KAZN: variants seen among roughly 807,000 people sequenced by gnomAD.
KAZN encodes kazrin, periplakin interacting protein, also known as kazrin.
A neutral mutation model predicts 87.4 loss-of-function variants in KAZN; 40 were observed. That is an observed-to-expected ratio of 0.46 (90% confidence interval 0.36 to 0.60). KAZN has a LOEUF of 0.60. KAZN is among the 20% of genes least tolerant of loss of function. The pLI is 0.00. For synonymous variants in KAZN, 466 were observed against 458.3 expected, an observed-to-expected ratio of 1.02 and a Z score of -0.22; for missense variants, 898 against 1,073.9, an observed-to-expected ratio of 0.84 and a Z score of 2.29.
chr1:14,395,784 T>C (rs949271794), intron 2 of KAZN, among the ~76,000 whole-genome samples: 1 of 152,006 alleles, frequency 6.6e-6, no homozygotes, highest in Non-Finnish European at 1.5e-5. Context: ...AGTGAAGACA[T>C]TTAACGTGAA....
intron 2 of KAZN, among the ~76,000 whole-genome samples, chr1:14,592,785 T>C (rs561094332): frequency 6.6e-6 from 1 of 152,354 alleles, no homozygotes; most frequent in South Asian, 2.1e-4. Flanking sequence ...AAGAAGTTCA[T>C]CACTCACTGG....
chr1:14,042,125 C>A (rs1463334812), intron 1 of KAZN, among the ~76,000 whole-genome samples: 1 of 152,114 alleles, frequency 6.6e-6, no homozygotes, highest in Non-Finnish European at 1.5e-5. Flanking sequence ...CTCTGGAAAT[C>A]TCTTAGTCAA....
At chr1:14,406,535 C>A (rs1439353901) in intron 2 of KAZN, among the ~76,000 whole-genome samples, 1 of 151,710 alleles carries the variant, frequency 6.6e-6, no homozygotes, top group Non-Finnish European at 1.5e-5. Flanking sequence ...TTTGGGAACT[C>A]GAGGGGAAAG....
chr1:13,974,147 A>G (rs1351966476), intron 1 of KAZN, among the ~76,000 whole-genome samples: 1 of 152,242 alleles, frequency 6.6e-6, no homozygotes, highest in African/African-American at 2.4e-5. Flanking sequence ...GGAATTTGTA[A>G]GAGATTCACT....
chr1:14,504,194 GAAC>G (rs1447792800), intron 2 of KAZN, among the ~76,000 whole-genome samples: 1 of 152,162 alleles, frequency 6.6e-6, no homozygotes, highest in Non-Finnish European at 1.5e-5. Flanking sequence ...CCTTGTCTCT[GAAC>G]AACAAGATGG....
At chr1:14,453,569 C>T (rs1667401940) in intron 2 of KAZN, among the ~76,000 whole-genome samples, 1 of 152,178 alleles carries the variant, frequency 6.6e-6, no homozygotes, top group Non-Finnish European at 1.5e-5. Context: ...GGCATGGTGT[C>T]TCATGCCTGT....
intron 1 of KAZN, among the ~76,000 whole-genome samples, chr1:14,683,447 A>G (rs1041721854): frequency 2.0e-5 from 3 of 152,146 alleles, no homozygotes; most frequent in Non-Finnish European, 4.4e-5. Flanking sequence ...TCAAGATGCT[A>G]TTAGGCATTC....
At chr1:14,616,089 C>T (rs1194181330) in intron 1 of KAZN, among the ~76,000 whole-genome samples, 2 of 152,126 alleles carry the variant, frequency 1.3e-5, no homozygotes, top group Non-Finnish European at 2.9e-5. Flanking sequence ...TGACGCAATG[C>T]CTATACAATC....
chr1:14,708,067 C>T (rs956917320), intron 1 of KAZN, among the ~76,000 whole-genome samples: 12 of 152,150 alleles, frequency 7.9e-5, no homozygotes, highest in Admixed American at 2.6e-4. Flanking sequence ...AGGGTGACAC[C>T]GGCCTTCTCC....
intron 8 of KAZN, among the ~76,000 whole-genome samples, chr1:15,092,584 A>C (rs1284383710): frequency 6.6e-6 from 1 of 151,640 alleles, no homozygotes; most frequent in Non-Finnish European, 1.5e-5. Context: ...AGATCCTCCT[A>C]CCTCAGCCTC....
chr1:14,997,708 G>A (rs1456356335), intron 2 of KAZN, among the ~76,000 whole-genome samples: 2 of 152,156 alleles, frequency 1.3e-5, no homozygotes, highest in East Asian at 1.9e-4. Context: ...CCTGAGGGTG[G>A]AGGAGCAGGG....
In KAZN at chr1:15,114,557, C is replaced by A. The variant is rs759532743; in HGVS notation, c.2250C>A (p.Cys750Ter). The A allele has an allele frequency of 1.9e-6, 3 of 1,608,224 alleles. No homozygotes were observed. Among genetic ancestry groups the A allele is most frequent in the East Asian group, 2.2e-5 (1 of 44,710 alleles). ...ATGGCTCTCTTCAAAACGAAGATTG[C>A]GGAGACGATGACCCCCAGAGCAGGC... ...DDYGSLQNED[C>*]GDDDPQSRLE... Residue 750 changes from cysteine to a stop codon, truncating the protein, a stop_gained, in exon 15 of 15, where the codon TGC becomes TGA. Transcript: ENST00000376030. LOFTEE classifies it high-confidence loss of function.
At chr1:14,383,244 AT>A (rs1297533377) in intron 2 of KAZN, among the ~76,000 whole-genome samples, 1 of 149,314 alleles carries the variant, frequency 6.7e-6, no homozygotes, top group African/African-American at 2.5e-5. Flanking sequence ...GGTTGTGAAA[AT>A]TTTCTCCCAT....
At chr1:14,792,853 A>G (rs897787522) in intron 1 of KAZN, among the ~76,000 whole-genome samples, 1 of 151,956 alleles carries the variant, frequency 6.6e-6, no homozygotes, top group Non-Finnish European at 1.5e-5. Context: ...GCATGTGCCT[A>G]TAGTCCCAGC....
Position 15,054,645 on chromosome 1 carries a change from C to T in KAZN, c.727-1446C>T, listed in dbSNP as rs545570872. Reference sequence around the variant, plus strand: ...CCGGCCTGGGCAACAGAGTGAGACTCCATCTCAAAAAAAAAAAAAAGAAGA... The same window carrying T: ...CCGGCCTGGGCAACAGAGTGAGACTTCATCTCAAAAAAAAAAAAAAGAAGA... On this transcript the variant is annotated intron_variant, in intron 4 of 14. Coordinates refer to ENST00000376030, the MANE Select transcript of KAZN (RefSeq NM_201628.3). 3.4e-5 allele frequency among the ~76,000 whole-genome samples: 5 copies of T among 148,552 alleles called. No homozygotes were observed. The East Asian group carries it at 9.7e-4, about 29-fold the overall frequency.
Position 14,773,357 on chromosome 1 carries a change from A to G in KAZN, c.226+174134A>G, listed in dbSNP as rs1418814099. 6.6e-6 allele frequency among the ~76,000 whole-genome samples: 1 copy of G among 152,080 alleles called. No individual in the cohort carries two copies. Among genetic ancestry groups the G allele is most frequent in the Admixed American group, 6.5e-5 (1 of 15,276 alleles). On this transcript the variant is annotated intron_variant, in intron 1 of 14. Transcript: ENST00000376030. The surrounding 1 kb of genome is among the most constrained non-coding windows in gnomAD (Gnocchi z 5.9). Reference sequence around the variant, plus strand: ...CCACCTCCCACCTCACCTGCCCACGATGCCATTGCTTCAAATGGCTTTCAA... The same window carrying G: ...CCACCTCCCACCTCACCTGCCCACGGTGCCATTGCTTCAAATGGCTTTCAA...
At chr1:14,544,592 A>G (rs1387016405) in intron 2 of KAZN, among the ~76,000 whole-genome samples, 1 of 152,000 alleles carries the variant, frequency 6.6e-6, no homozygotes, top group Non-Finnish European at 1.5e-5. Flanking sequence ...CCTATTTTAA[A>G]CAACTTTTCT....
At chr1:14,138,082 A>AGTGTGTGTGTGTGTGT (rs149980453) in intron 1 of KAZN, among the ~76,000 whole-genome samples, 3 of 149,962 alleles carry the variant, frequency 2.0e-5, no homozygotes, top group Admixed American at 6.6e-5. Flanking sequence ...TAAATGTTAC[A>AGTGTGTGTGTGTGTGT]GTGTGTGTGT....
At chr1:14,139,261 G>A (rs1367199413) in intron 1 of KAZN, among the ~76,000 whole-genome samples, 1 of 152,198 alleles carries the variant, frequency 6.6e-6, no homozygotes, top group African/African-American at 2.4e-5. Flanking sequence ...GAAGGGAGAA[G>A]GTAAGCTGAT....
Sources: allele counts gnomAD v4.1 joint callset (sites outside exome capture counted in the v4.1 genomes callset), GRCh38; gene constraint gnomAD v4.1.1; non-coding constraint Gnocchi (gnomAD v3.1); transcripts MANE v1.5; gene names NCBI Gene and HGNC (gene_info 2026-07-23, HGNC 2026-07-21).